Variants in BMP5 observed in about 807,000 individuals in gnomAD.
BMP5 encodes the protein bone morphogenetic protein 5.
BMP5 carries 23 observed loss-of-function variants against 46.6 expected under a neutral mutation model. That is an observed-to-expected ratio of 0.49 (90% CI 0.35 to 0.70). The LOEUF (loss-of-function observed/expected upper bound fraction) is 0.70, where lower values mean the gene tolerates loss of function less well. Ranked by LOEUF, BMP5 falls within the 30% of genes least tolerant of loss-of-function variation. The pLI, the probability that BMP5 is intolerant of heterozygous loss-of-function variation, is 0.00. For synonymous variants in BMP5, 204 were observed against 191.9 expected (o/e 1.06, Z -0.52); for missense variants, 545 against 565.6 (o/e 0.96, Z 0.37).
intron 4 of BMP5, among the ~76,000 whole-genome samples, chr6:55,766,251 A>AT (rs370035692): frequency 4.0e-4 from 61 of 151,606 alleles, no homozygotes; most frequent in African/African-American, 1.1e-3. Flanking sequence ...GACATCTCTG[A>AT]TTTTTTTTGG....
intron 4 of BMP5, among the ~76,000 whole-genome samples, chr6:55,770,696 A>G (rs1316631831): frequency 7.2e-5 from 11 of 151,976 alleles, no homozygotes; most frequent in Admixed American, 7.2e-4. Flanking sequence ...AAGCGTAATC[A>G]TTACTAGCTT....
At chr6:55,836,163 T>C (rs1422584095) in intron 1 of BMP5, among the ~76,000 whole-genome samples, 1 of 152,128 alleles carries the variant, frequency 6.6e-6, no homozygotes, top group Non-Finnish European at 1.5e-5. Context: ...TAATTGTAGA[T>C]GATGTTTATT....
chr6:55,806,958 G>A (rs564052611), intron 2 of BMP5, among the ~76,000 whole-genome samples: 48 of 152,292 alleles, frequency 3.2e-4, no homozygotes, highest in African/African-American at 1.0e-3. Context: ...ATCAACTTAA[G>A]GAGTTTGGGG....
rs1338995257 is a variant in BMP5 at position 55,875,363 on chromosome 6, G to A, written c.-498C>T. The A allele has an allele frequency of 1.2e-5, 2 of 167,680 alleles. No individual in the cohort carries two copies. The highest frequency in any genetic ancestry group is 2.6e-5 in the Non-Finnish European group (2 of 76,918). 10.4% of individuals were successfully genotyped at this position (167,680 alleles called of 1,614,324 possible). ...CAGATCTATGCTGATCTGCACCTTG[G>A]TGTTGGAATATATATCTGTCCGGCA... On this transcript the variant is annotated 5_prime_UTR_variant, in exon 1 of 7. Coordinates refer to ENST00000370830, the MANE Select transcript of BMP5 (RefSeq NM_021073.4).
In BMP5 at chr6:55,754,918, C is replaced by A. The variant is rs1349157808; in HGVS notation, c.*615G>T. The A allele has an allele frequency of 6.6e-6, 1 of 152,134 alleles. No homozygotes were observed. The allele number at this position is 152,134 out of a possible 1,614,324, so 9.4% of individuals were successfully genotyped here. A position where few individuals can be genotyped will look rare whatever the true frequency, so the allele number is the denominator to read the frequency against. On this transcript the variant is annotated 3_prime_UTR_variant, in exon 7 of 7. Transcript: ENST00000370830. ...AAAAAGGAACATGCTCCTACAGTTA[C>A]ACCACTTCTGTTAAAGCAAACAGTT...
chr6:55,865,988 G>A (rs1336642307), intron 1 of BMP5, among the ~76,000 whole-genome samples: 1 of 152,084 alleles, frequency 6.6e-6, no homozygotes, highest in East Asian at 1.9e-4. Context: ...TTCACCCAGA[G>A]CAAAGAATAC....
chr6:55,843,366 TTTAAGA>T (rs1420514504), intron 1 of BMP5, among the ~76,000 whole-genome samples: 7 of 152,110 alleles, frequency 4.6e-5, no homozygotes, highest in African/African-American at 1.4e-4. Flanking sequence ...TAAAAACTAC[TTTAAGA>T]TTAAGAATAC....
rs752233136 is a variant in BMP5 at position 55,794,353 on chromosome 6, G to A, written c.758C>T (p.Thr253Ile). The A allele has an allele frequency of 2.2e-5, 35 of 1,613,874 alleles. No individual in the cohort carries two copies. The highest frequency in any genetic ancestry group is 2.8e-5 in the Non-Finnish European group (33 of 1,179,904). Residue 253 changes from threonine (T) to isoleucine (I), a missense_variant, in exon 3 of 7, where the codon ACT (threonine) becomes ATT (isoleucine). By Grantham distance (89) the Thr-to-Ile change is moderately conservative. Transcript: ENST00000370830. ...AATCACCCAATGATTGCTGGTCACAGTGATATCAAAGACAAGCCAACCCAC... is the reference window on the plus strand; with the variant it reads ...AATCACCCAATGATTGCTGGTCACAATGATATCAAAGACAAGCCAACCCAC... ...LDVGWLVFDI[T>I]VTSNHWVINP...
chr6:55,764,589 A>AG lies in BMP5; in HGVS notation c.1028-4057_1028-4056insC, dbSNP rs1313653342. ...TCTGTCTCAAAAAAAAAAAAAAAAG[A>AG]AAAAAAGAAAGAAAGAAAAGAAAAA... On this transcript the variant is annotated intron_variant, in intron 4 of 6. Coordinates refer to ENST00000370830, the MANE Select transcript of BMP5 (RefSeq NM_021073.4). Among the ~76,000 whole-genome samples the AG allele has an allele frequency of 8.8e-3, 1,297 of 147,576 alleles. 26 individuals are homozygous for AG. The highest frequency in any genetic ancestry group is 0.028 in the African/African-American group (1,130 of 39,784).
At position 55,814,278 on chromosome 6, in the gene BMP5, T is replaced by TA. The variant is rs981505673; in HGVS notation, c.683+5376dup. Among the ~76,000 whole-genome samples the TA allele has an allele frequency of 7.2e-5, 11 of 152,240 alleles. No homozygotes were observed. The East Asian group carries it at 9.6e-4, about 13-fold the overall frequency. ...AAAACTGTACCTACTGTTATTATAA[T>TA]AAAAAACAATTTTTTGCCATTATGT... On this transcript the variant is annotated intron_variant, in intron 2 of 6. Coordinates refer to ENST00000370830, the MANE Select transcript of BMP5 (RefSeq NM_021073.4).
intron 1 of BMP5, among the ~76,000 whole-genome samples, chr6:55,827,190 A>G (rs1310733019): frequency 6.6e-6 from 1 of 151,822 alleles, no homozygotes; most frequent in East Asian, 1.9e-4. Context: ...ATGCCACAGC[A>G]AATCTCAGTA....
chr6:55,797,629 T>G (rs895210856), intron 2 of BMP5, among the ~76,000 whole-genome samples: 1 of 147,702 alleles, frequency 6.8e-6, no homozygotes, highest in Non-Finnish European at 1.5e-5. Flanking sequence ...TTTTTTTTTT[T>G]TTTTTGAGAC....
Position 55,853,148 on chromosome 6 carries a change from A to T in BMP5, c.490+21228T>A, listed in dbSNP as rs994328771. On this transcript the variant is annotated intron_variant, in intron 1 of 6. Coordinates refer to ENST00000370830, the MANE Select transcript of BMP5 (RefSeq NM_021073.4). ...TACATCTCAAATACATAAATAAAAT[A>T]AAATAAAATAAAATAAAATAAAATA... Among the ~76,000 whole-genome samples, 5 of 18,284 alleles carry T rather than the reference A, an allele frequency of 2.7e-4. No individual in the cohort carries two copies. The South Asian group carries it at 4.4e-3, about 16-fold the overall frequency. 12.0% of individuals were successfully genotyped at this position (18,284 alleles called of 152,430 possible).
At chr6:55,767,355 G>C (rs910839849) in intron 4 of BMP5, among the ~76,000 whole-genome samples, 2 of 151,962 alleles carry the variant, frequency 1.3e-5, no homozygotes, top group East Asian at 3.9e-4. Context: ...AACACTTAAT[G>C]AGCATTTGCC....
intron 1 of BMP5, among the ~76,000 whole-genome samples, chr6:55,854,209 T>C (rs1777330051): frequency 6.6e-6 from 1 of 152,128 alleles, no homozygotes; most frequent in Non-Finnish European, 1.5e-5. Context: ...AAGATTTATA[T>C]AAATTATGAT....
At chr6:55,777,509 A>G (rs796985700) in intron 3 of BMP5, among the ~76,000 whole-genome samples, 16 of 152,130 alleles carry the variant, frequency 1.1e-4, no homozygotes, top group African/African-American at 3.9e-4. Context: ...CATTGAATAT[A>G]CAGTGGAAAT....
At chr6:55,786,831 T>A (rs1344128718) in intron 3 of BMP5, among the ~76,000 whole-genome samples, 1 of 151,698 alleles carries the variant, frequency 6.6e-6, no homozygotes, top group Admixed American at 6.6e-5. Flanking sequence ...TAAAACCAAT[T>A]GTCATCACCA....
chr6:55,766,017 C>T (rs986319870), intron 4 of BMP5, among the ~76,000 whole-genome samples: 1 of 152,086 alleles, frequency 6.6e-6, no homozygotes, highest in African/African-American at 2.4e-5. Flanking sequence ...GTTAATAGGA[C>T]CATCAGTCGT....
At chr6:55,819,163 T>A (rs778797507) in intron 2 of BMP5, among the ~76,000 whole-genome samples, 3 of 152,230 alleles carry the variant, frequency 2.0e-5, no homozygotes, top group Non-Finnish European at 4.4e-5. Context: ...TATTTCAGAC[T>A]ATCTGTCCAT....
Sources: allele counts gnomAD v4.1 joint callset (sites outside exome capture counted in the v4.1 genomes callset), GRCh38; gene constraint gnomAD v4.1.1; transcripts MANE v1.5; gene names NCBI Gene and HGNC (gene_info 2026-07-23, HGNC 2026-07-21).